LHFPL1: variants seen among roughly 807,000 people sequenced by gnomAD.
LHFPL1 encodes the protein LHFPL tetraspan subfamily member 1 protein.
A neutral mutation model predicts 12.1 loss-of-function variants in LHFPL1; 4 were observed. The observed-to-expected ratio is 0.33, with a 90% CI of 0.16 to 0.76. The LOEUF (loss-of-function observed/expected upper bound fraction) is 0.76, where lower values mean the gene tolerates loss of function less well. Ranked by LOEUF, LHFPL1 falls within the 30% of genes least tolerant of loss-of-function variation. The pLI is 0.61. For missense variants in LHFPL1, 141 were observed against 174.1 expected, an observed-to-expected ratio of 0.81 and a Z score of 1.07; for synonymous variants, 52 against 61.9, an observed-to-expected ratio of 0.84 and a Z score of 0.75.
At chrX:112,646,183 C>A (rs912800451) in intron 3 of LHFPL1, among the ~76,000 whole-genome samples, 2 of 110,681 alleles carry the variant, frequency 1.8e-5, no homozygotes, top group African/African-American at 6.6e-5. Context: ...CAACTGAAGA[C>A]TCTGGTGGGA....
chrX:112,668,659 G>A (rs1274890197), intron 2 of LHFPL1, among the ~76,000 whole-genome samples: 2 of 112,451 alleles, frequency 1.8e-5, no homozygotes, highest in Admixed American at 9.4e-5. Flanking sequence ...TTTCCTCTAT[G>A]TGACACCTGC....
At chrX:112,675,441 C>T (rs752295588) in intron 1 of LHFPL1, among the ~76,000 whole-genome samples, 11 of 111,191 alleles carry the variant, frequency 9.9e-5, no homozygotes, top group Non-Finnish European at 1.9e-4. Flanking sequence ...AATTAAACTA[C>T]AATACTATCA....
At chrX:112,644,761 C>G (rs886870412) in intron 3 of LHFPL1, among the ~76,000 whole-genome samples, 5 of 112,145 alleles carry the variant, frequency 4.5e-5, no homozygotes, top group African/African-American at 1.6e-4. Context: ...TTCTACCACA[C>G]TTTGATGCCC....
At chrX:112,635,184 C>A (rs1382285593) in intron 3 of LHFPL1, among the ~76,000 whole-genome samples, 1 of 112,087 alleles carries the variant, frequency 8.9e-6, no homozygotes, top group African/African-American at 3.2e-5. Context: ...CATCCATTCC[C>A]AAATCCCATT....
chrX:112,679,124 C>A (rs184882440), intron 1 of LHFPL1, among the ~76,000 whole-genome samples: 1 of 111,085 alleles, frequency 9.0e-6, no homozygotes, highest in Non-Finnish European at 1.9e-5. Context: ...TTTCCCCTTT[C>A]TCTCCCCACA....
chrX:112,656,775 T>G (rs954649717), intron 3 of LHFPL1, among the ~76,000 whole-genome samples: 1 of 112,385 alleles, frequency 8.9e-6, no homozygotes, highest in Non-Finnish European at 1.9e-5. Context: ...ATATTGTAAG[T>G]CAAAAATGTA....
At chrX:112,675,503 T>C (rs763407631) in intron 1 of LHFPL1, among the ~76,000 whole-genome samples, 1 of 112,241 alleles carries the variant, frequency 8.9e-6, no homozygotes, top group South Asian at 3.7e-4. Flanking sequence ...AGCCAAGACA[T>C]AGGAAGACAA....
At chrX:112,678,994 C>G (rs1931730370) in intron 1 of LHFPL1, among the ~76,000 whole-genome samples, 1 of 111,703 alleles carries the variant, frequency 9.0e-6, no homozygotes, top group South Asian at 3.8e-4. Flanking sequence ...AGTGAAACAT[C>G]TGCACTATAC....
At chrX:112,636,116 C>T (rs1259338771) in intron 3 of LHFPL1, among the ~76,000 whole-genome samples, 3 of 111,252 alleles carry the variant, frequency 2.7e-5, no homozygotes, top group Non-Finnish European at 5.7e-5. Context: ...TCTATAGCAA[C>T]TTATTCTTCC....
rs147834272 is a variant in LHFPL1 at position 112,660,642 on chromosome X, T to C, written c.466A>G (p.Asn156Asp). Reference protein sequence around the residue: ...EIMQTCGNVSNQFQLGTCRLG... With the variant: ...EIMQTCGNVSDQFQLGTCRLG... ...GCCACCTTACCTAACTGAAATTGAT[T>C]GGAGACATTCCCACATGTTTGCATT... The change falls in exon 3 of 4, where the codon AAT becomes GAT. Residue 156 changes from asparagine to aspartate, a missense_variant. Coordinates refer to ENST00000371968, the MANE Select transcript of LHFPL1 (RefSeq NM_178175.4). 149 of 1,207,096 alleles carry C rather than the reference T, an allele frequency of 1.2e-4. No homozygotes were observed. The highest frequency in any genetic ancestry group is 1.6e-4 in the Non-Finnish European group (141 of 892,371).
chrX:112,645,867 C>G (rs1003986212), intron 3 of LHFPL1, among the ~76,000 whole-genome samples: 1 of 111,585 alleles, frequency 9.0e-6, no homozygotes, highest in African/African-American at 3.3e-5. Context: ...TGCAAGGAGC[C>G]TTTACCTGTT....
At chrX:112,647,786 A>T (rs1372335407) in intron 3 of LHFPL1, among the ~76,000 whole-genome samples, 1 of 112,016 alleles carries the variant, frequency 8.9e-6, no homozygotes, top group Non-Finnish European at 1.9e-5. Context: ...AGAATCTAGA[A>T]ACAGAAATAC....
intron 1 of LHFPL1, among the ~76,000 whole-genome samples, chrX:112,673,275 G>A (rs1931561646): frequency 1.8e-5 from 2 of 111,863 alleles, no homozygotes; most frequent in African/African-American, 3.3e-5. Flanking sequence ...GTTAGGGCTT[G>A]GGAAGAAAGT....
chrX:112,634,250 C>T (rs1930274076), intron 3 of LHFPL1, among the ~76,000 whole-genome samples: 1 of 111,291 alleles, frequency 9.0e-6, no homozygotes. Context: ...TTGTTTTCAT[C>T]ACACCCAAAA....
chrX:112,631,713 G>T, intron 3 of LHFPL1, 112 bp from the exon 4 acceptor site: 3 of 506,523 alleles, frequency 5.9e-6, no homozygotes, highest in East Asian at 3.7e-5. Flanking sequence ...ATTCTCTTTG[G>T]GATGCTATGG....
At chrX:112,658,197 G>A in intron 3 of LHFPL1, among the ~76,000 whole-genome samples, 1 of 110,616 alleles carries the variant, frequency 9.0e-6, no homozygotes, top group Non-Finnish European at 1.9e-5. Flanking sequence ...AGCCGAGGCA[G>A]GCAGATCACT....
chrX:112,666,598 G>A (rs1931341808), intron 2 of LHFPL1, among the ~76,000 whole-genome samples: 1 of 111,929 alleles, frequency 8.9e-6, no homozygotes, highest in Non-Finnish European at 1.9e-5. Context: ...CCTTTTCAGT[G>A]GGGACAAGGG....
intron 3 of LHFPL1, among the ~76,000 whole-genome samples, chrX:112,632,765 C>A: frequency 9.0e-6 from 1 of 111,617 alleles, no homozygotes; most frequent in Non-Finnish European, 1.9e-5. Context: ...TTGGTGTCTC[C>A]TAGAAAGAGT....
intron 3 of LHFPL1, among the ~76,000 whole-genome samples, chrX:112,652,665 C>A (rs1930888171): frequency 9.0e-6 from 1 of 111,652 alleles, no homozygotes; most frequent in Non-Finnish European, 1.9e-5. Context: ...TTTGTTTGGA[C>A]ATTCTATGAT....
Sources: gnomAD v4.1 joint callset for allele counts (sites outside exome capture counted in the v4.1 genomes callset) on GRCh38, gnomAD v4.1.1 for gene constraint, MANE v1.5 for transcripts, NCBI Gene and HGNC (gene_info 2026-07-23, HGNC 2026-07-21) for gene names.